Variants in ANO3 observed in about 807,000 individuals in gnomAD.
ANO3 encodes the protein anoctamin 3, also known as anoctamin-3.
A neutral mutation model predicts 144.8 loss-of-function variants in ANO3; 99 were observed. The ratio of observed to expected loss-of-function variants is 0.68; its 90% CI spans 0.58 to 0.81. ANO3 has a LOEUF of 0.81. Among genes scored for constraint, ANO3 ranks in the 30% least tolerant of loss-of-function variants. The probability of loss-of-function intolerance (pLI) is 0.00; values close to 1 mark genes in which losing one functional copy is unlikely to be tolerated. For missense variants in ANO3, 905 were observed against 1,202.2 expected, an observed-to-expected ratio of 0.75 and a Z score of 3.66; for synonymous variants, 414 against 392.6, an observed-to-expected ratio of 1.05 and a Z score of -0.64.
At chr11:26,342,208 A>C (rs183464137) in intron 1 of ANO3, among the ~76,000 whole-genome samples, 3 of 152,198 alleles carry the variant, frequency 2.0e-5, no homozygotes, top group Admixed American at 1.3e-4. Flanking sequence ...AGGATTAGCA[A>C]CTCTGTATGA....
chr11:26,592,401 C>T (rs752056554), intron 14 of ANO3, among the ~76,000 whole-genome samples: 6 of 151,864 alleles, frequency 4.0e-5, no homozygotes, highest in Non-Finnish European at 7.4e-5. Context: ...GCCTTGAAAG[C>T]GGTGCCATTG....
In ANO3 at chr11:26,553,116, A is replaced by C. The variant is rs1197838445; in HGVS notation, c.1290-133A>C. On this transcript the variant is annotated intron_variant, in intron 12 of 26. Transcript: ENST00000256737. ...CACACCACAGTGCCCACCACTCCCCACTATTCCCATTTCTTCTCCTTTTCC... is the reference window on the plus strand; with the variant it reads ...CACACCACAGTGCCCACCACTCCCCCCTATTCCCATTTCTTCTCCTTTTCC... The C allele has an allele frequency of 4.3e-6, 3 of 695,572 alleles. No individual in the cohort carries two copies. In the African/African-American group the frequency reaches 5.3e-5, roughly 12 times the overall value. The allele number at this position is 695,572 out of a possible 1,614,324, so 43.1% of individuals were successfully genotyped here.
chr11:26,457,732 T>G (rs914262684), intron 3 of ANO3, among the ~76,000 whole-genome samples: 3 of 152,162 alleles, frequency 2.0e-5, no homozygotes, highest in Admixed American at 1.3e-4. Context: ...TATGTCAGCC[T>G]TTGTTCTTCA....
At chr11:26,217,780 T>C (rs1345210847) in intron 1 of ANO3, among the ~76,000 whole-genome samples, 1 of 152,080 alleles carries the variant, frequency 6.6e-6, no homozygotes, top group African/African-American at 2.4e-5. Context: ...ATTTTAAATT[T>C]AAACATGTTA....
intron 4 of ANO3, among the ~76,000 whole-genome samples, chr11:26,472,776 C>T (rs1359593351): frequency 6.6e-6 from 1 of 151,816 alleles, no homozygotes; most frequent in South Asian, 2.1e-4. Flanking sequence ...CCTTCATCTC[C>T]CCATGTCATC....
At chr11:26,647,958 T>C in intron 24 of ANO3, 102 bp downstream of exon 24, 1 of 1,115,604 alleles carries the variant, frequency 9.0e-7, no homozygotes. Flanking sequence ...GGGTGGTGTT[T>C]CTAAGCATTG....
chr11:26,565,615 G>A (rs2134268690), intron 14 of ANO3: 1 of 1,612,864 alleles, frequency 6.2e-7, no homozygotes, highest in East Asian at 2.2e-5. Context: ...GTTATTCCGT[G>A]GCTGTTGTTG....
In ANO3 at chr11:26,643,800, G is replaced by A. The variant is rs919331613; in HGVS notation, c.2428+466G>A. ...GGACTCTTACAAAAAATAGCTTGAG[G>A]GAGTGACTTCATTCTCTTCCACTTC... is the stretch of plus-strand genomic sequence containing the variant. On this transcript the variant is annotated intron_variant, in intron 23 of 26. Coordinates refer to ENST00000256737, the MANE Select transcript of ANO3 (RefSeq NM_031418.4). Among the ~76,000 whole-genome samples the A allele has an allele frequency of 3.9e-5, 6 of 152,106 alleles. No homozygotes were observed. In the South Asian group the frequency reaches 6.2e-4, roughly 16 times the overall value.
intron 4 of ANO3, among the ~76,000 whole-genome samples, chr11:26,486,315 C>T (rs4032916): frequency 0.59 from 85,161 of 144,764 alleles, 25,171 homozygotes; most frequent in Middle Eastern, 0.7. Flanking sequence ...GAGCCAAGGT[C>T]ATGCCACTGC....
At chr11:26,596,255 TCC>T (rs1851625484) in intron 14 of ANO3, among the ~76,000 whole-genome samples, 1 of 152,134 alleles carries the variant, frequency 6.6e-6, no homozygotes, top group African/African-American at 2.4e-5. Context: ...CCTCTCTCTC[TCC>T]CTCTCTGCCT....
intron 1 of ANO3, among the ~76,000 whole-genome samples, chr11:26,302,888 G>A (rs1238969217): frequency 6.6e-6 from 1 of 152,036 alleles, no homozygotes; most frequent in Non-Finnish European, 1.5e-5. Context: ...TTAATAATGG[G>A]CAAAGGAAAT....
At chr11:26,234,519 A>C (rs1224862308) in intron 1 of ANO3, among the ~76,000 whole-genome samples, 1 of 152,222 alleles carries the variant, frequency 6.6e-6, no homozygotes, top group Non-Finnish European at 1.5e-5. Flanking sequence ...CTCGATTTAC[A>C]TCATTTTAAA....
At chr11:26,488,042 T>C (rs1225409353) in intron 4 of ANO3, among the ~76,000 whole-genome samples, 1 of 152,080 alleles carries the variant, frequency 6.6e-6, no homozygotes, top group Non-Finnish European at 1.5e-5. Context: ...GGCACACACC[T>C]GTAGTCCCAG....
intron 18 of ANO3, among the ~76,000 whole-genome samples, chr11:26,632,089 G>T (rs1333935654): frequency 2.6e-5 from 4 of 152,000 alleles, no homozygotes; most frequent in Admixed American, 2.6e-4. Flanking sequence ...CTACTTGGGA[G>T]GCTGAAGCAG....
chr11:26,523,988 T>A (rs1323043765), intron 6 of ANO3, among the ~76,000 whole-genome samples: 1 of 152,218 alleles, frequency 6.6e-6, no homozygotes, highest in Non-Finnish European at 1.5e-5. Flanking sequence ...TCCATATTTG[T>A]AGCTTTTTTG....
At position 26,622,713 on chromosome 11, in the gene ANO3, G is replaced by A. The variant is rs191407754; in HGVS notation, c.1837-1749G>A. Among the ~76,000 whole-genome samples the A allele has an allele frequency of 1.5e-3, 234 of 152,296 alleles. 11 individuals are homozygous for A. In the South Asian group the frequency reaches 0.047, roughly 30 times the overall value. ...TCCTGACTTTGCTACTTGCTCAGTC[G>A]TGTTGTCTCACTACTAAGGTGCCTG... On this transcript the variant is annotated intron_variant, in intron 17 of 26. Coordinates refer to ENST00000256737, the MANE Select transcript of ANO3 (RefSeq NM_031418.4).
exon 27 of ANO3, chr11:26,663,287 GTA>G (rs1305940459): frequency 6.6e-6 from 1 of 151,946 alleles, no homozygotes; most frequent in Non-Finnish European, 1.5e-5. Context: ...ATTTGATATG[GTA>G]TTTTCCCTAT....
chr11:26,618,190 G>A (rs1487842217), intron 17 of ANO3, among the ~76,000 whole-genome samples: 1 of 151,854 alleles, frequency 6.6e-6, no homozygotes, highest in Non-Finnish European at 1.5e-5. Context: ...ATAAAATATA[G>A]GCATAGAAAA....
At chr11:26,597,475 G>A (rs1034198819) in intron 14 of ANO3, among the ~76,000 whole-genome samples, 2 of 152,188 alleles carry the variant, frequency 1.3e-5, no homozygotes, top group Non-Finnish European at 2.9e-5. Flanking sequence ...TGAATCAGGA[G>A]CACAGTGGAC....
Sources: gnomAD v4.1 joint callset for allele counts (sites outside exome capture counted in the v4.1 genomes callset) on GRCh38, gnomAD v4.1.1 for gene constraint, MANE v1.5 for transcripts, NCBI Gene and HGNC (gene_info 2026-07-23, HGNC 2026-07-21) for gene names.